Variants in TRAPPC9 observed in about 807,000 individuals in gnomAD.
TRAPPC9 encodes IKK2 binding protein.
TRAPPC9 carries 83 observed loss-of-function variants against 124.0 expected under a neutral mutation model. That is an observed-to-expected ratio of 0.67 (90% CI 0.56 to 0.80). The LOEUF is 0.80. Among genes scored for constraint, TRAPPC9 ranks in the 30% least tolerant of loss-of-function variants. The pLI is 0.00. For missense variants in TRAPPC9, 1,302 were observed against 1,508.3 expected, an observed-to-expected ratio of 0.86 and a Z score of 2.27; for synonymous variants, 638 against 617.5, an observed-to-expected ratio of 1.03 and a Z score of -0.49.
At chr8:140,312,203 G>A (rs577960140) in intron 9 of TRAPPC9, among the ~76,000 whole-genome samples, 5 of 152,320 alleles carry the variant, frequency 3.3e-5, no homozygotes, top group African/African-American at 1.2e-4. Flanking sequence ...TTATGGGAGG[G>A]GTGTGAACAA....
At chr8:140,341,807 A>C (rs1376249061) in intron 9 of TRAPPC9, among the ~76,000 whole-genome samples, 4 of 152,228 alleles carry the variant, frequency 2.6e-5, no homozygotes, top group Non-Finnish European at 5.9e-5. Flanking sequence ...GTGAAAAGCC[A>C]GAAGAAACTC....
At position 139,858,823 on chromosome 8, in the gene TRAPPC9, C is replaced by CGG. The variant is rs5895623; in HGVS notation, c.3055+27054_3055+27055dup. 4.3e-3 allele frequency among the ~76,000 whole-genome samples: 643 copies of CGG among 149,430 alleles called. 9 individuals are homozygous for CGG. The highest frequency in any genetic ancestry group is 0.015 in the African/African-American group (585 of 39,796). On this transcript the variant is annotated intron_variant, in intron 21 of 22. Coordinates refer to ENST00000438773, the MANE Select transcript of TRAPPC9 (RefSeq NM_001160372.4). ...GCCACTGCGACCGGGACTGTGAATCCGGGGGGGGCACAGTCTGCACACCCT... is the reference window on the plus strand; with the variant it reads ...GCCACTGCGACCGGGACTGTGAATCCGGGGGGGGGGCACAGTCTGCACACCCT...
intron 9 of TRAPPC9, among the ~76,000 whole-genome samples, chr8:140,327,740 T>A (rs548408595): frequency 1.3e-5 from 2 of 152,350 alleles, no homozygotes; most frequent in Admixed American, 1.3e-4. Context: ...GAATGATGGT[T>A]GCCAGGAGGA....
chr8:139,781,644 T>C (rs1417480415), intron 21 of TRAPPC9, among the ~76,000 whole-genome samples: 1 of 152,258 alleles, frequency 6.6e-6, no homozygotes, highest in Non-Finnish European at 1.5e-5. Context: ...GATGTGTTAA[T>C]GTAGGTTCAT....
chr8:139,925,250 A>G (rs927700853), intron 19 of TRAPPC9, among the ~76,000 whole-genome samples: 2 of 152,228 alleles, frequency 1.3e-5, no homozygotes, highest in Non-Finnish European at 2.9e-5. Context: ...ATCAGGCAAC[A>G]GCACTGGAGG....
intron 21 of TRAPPC9, among the ~76,000 whole-genome samples, chr8:139,735,655 CCT>C (rs991355708): frequency 7.0e-6 from 1 of 143,608 alleles, no homozygotes; most frequent in Non-Finnish European, 1.5e-5. Context: ...ACCACCCTGC[CCT>C]GTTTTTTTTT....
chr8:139,856,692 C>T (rs1168144786), intron 21 of TRAPPC9, among the ~76,000 whole-genome samples: 1 of 149,692 alleles, frequency 6.7e-6, no homozygotes, highest in Non-Finnish European at 1.5e-5. Context: ...GACAGGCTTG[C>T]TTTCACTGTT....
chr8:140,304,540 T>C (rs2066070811), intron 10 of TRAPPC9, among the ~76,000 whole-genome samples: 1 of 152,158 alleles, frequency 6.6e-6, no homozygotes, highest in South Asian at 2.1e-4. Context: ...CAGGCCTTCC[T>C]TCAGGTGGAG....
intron 21 of TRAPPC9, among the ~76,000 whole-genome samples, chr8:139,830,680 T>C (rs1247840382): frequency 1.3e-5 from 2 of 151,452 alleles, no homozygotes; most frequent in Non-Finnish European, 2.9e-5. Context: ...TGCACACACA[T>C]ACACATGCAT....
Position 140,151,107 on chromosome 8 carries a change from A to C in TRAPPC9, c.2556+70352T>G, listed in dbSNP as rs73361192. ...AAATGGGGAAGTGGAGATTGACAGC[A>C]GGGGAGGGGATAAAGAACGAGGGAA... is the stretch of plus-strand genomic sequence containing the variant. On this transcript the variant is annotated intron_variant, in intron 17 of 22. Transcript: ENST00000438773. Among the ~76,000 whole-genome samples, 618 of 152,270 alleles carry C rather than the reference A, an allele frequency of 4.1e-3. 5 individuals carry two copies. Among genetic ancestry groups the C allele is most frequent in the African/African-American group, 0.014 (599 of 41,538 alleles).
At chr8:140,226,237 T>A (rs1439633560) in intron 16 of TRAPPC9, among the ~76,000 whole-genome samples, 1 of 152,162 alleles carries the variant, frequency 6.6e-6, no homozygotes, top group African/African-American at 2.4e-5. Context: ...CCTTTGAGAT[T>A]TGATTTACAA....
At chr8:140,043,890 C>G (rs183684651) in intron 17 of TRAPPC9, among the ~76,000 whole-genome samples, 1 of 152,176 alleles carries the variant, frequency 6.6e-6, no homozygotes, top group Non-Finnish European at 1.5e-5. Flanking sequence ...GCCCTCCCAG[C>G]CTGCCCCATG....
In TRAPPC9 at chr8:139,810,254, C is replaced by T. The variant is rs114319212; in HGVS notation, c.3055+75625G>A. ...GCAGCAGAAGCTAAACCCTGGGAGG[C>T]GACGCCAAGGAGACAAGGCCACTGC... is the stretch of plus-strand genomic sequence containing the variant. On this transcript the variant is annotated intron_variant, in intron 21 of 22. Transcript: ENST00000438773. Among the ~76,000 whole-genome samples, 299 of 152,250 alleles carry T rather than the reference C, an allele frequency of 2.0e-3. 1 individual carries two copies. Among genetic ancestry groups the T allele is most frequent in the African/African-American group, 6.9e-3 (288 of 41,544 alleles).
chr8:140,334,335 G>GGACTGAGC (rs1339533090), intron 9 of TRAPPC9, among the ~76,000 whole-genome samples: 25 of 151,828 alleles, frequency 1.6e-4, no homozygotes, highest in African/African-American at 5.8e-4. Flanking sequence ...GAAATAATTT[G>GGACTGAGC]AGAAAGGCAA....
chr8:139,945,543 C>CAAAAAAA (rs61528944), intron 19 of TRAPPC9, among the ~76,000 whole-genome samples: 38 of 66,164 alleles, frequency 5.7e-4, no homozygotes, highest in African/African-American at 9.0e-4. Context: ...GCACAATTAG[C>CAAAAAAA]AAAAAAAAAA....
chr8:139,789,065 T>C (rs1489994041), intron 21 of TRAPPC9, among the ~76,000 whole-genome samples: 3 of 152,248 alleles, frequency 2.0e-5, no homozygotes, highest in Non-Finnish European at 4.4e-5. Flanking sequence ...TGCACGCTCA[T>C]CTAAACATCA....
chr8:140,261,163 C>G (rs2064398182), intron 15 of TRAPPC9, among the ~76,000 whole-genome samples: 1 of 152,204 alleles, frequency 6.6e-6, no homozygotes, highest in East Asian at 1.9e-4. Flanking sequence ...CAGAACCCGC[C>G]TAGGTCATGT....
chr8:139,901,791 C>T (rs1357528697), intron 20 of TRAPPC9, among the ~76,000 whole-genome samples: 2 of 152,218 alleles, frequency 1.3e-5, no homozygotes. Context: ...CTGCCCGTGC[C>T]CCCGGCTCTG....
chr8:140,200,662 C>T (rs1187375284), intron 17 of TRAPPC9, among the ~76,000 whole-genome samples: 3 of 152,074 alleles, frequency 2.0e-5, no homozygotes, highest in Admixed American at 6.5e-5. Flanking sequence ...GTACTCTCAA[C>T]GTCACGAAAA....
Sources: gnomAD v4.1 joint callset for allele counts (sites outside exome capture counted in the v4.1 genomes callset) on GRCh38, gnomAD v4.1.1 for gene constraint, MANE v1.5 for transcripts, NCBI Gene and HGNC (gene_info 2026-07-23, HGNC 2026-07-21) for gene names.